Variants in PHF24 observed in about 807,000 individuals in gnomAD.
PHF24 encodes Galpha inhibitory interacting protein.
PHF24 carries 25 observed loss-of-function variants against 42.6 expected under a neutral mutation model. The ratio of observed to expected loss-of-function variants is 0.59; its 90% CI spans 0.43 to 0.82. The LOEUF (loss-of-function observed/expected upper bound fraction) is 0.82. Ranked by LOEUF, PHF24 falls within the 40% of genes least tolerant of loss-of-function variation. The pLI, the probability that PHF24 is intolerant of heterozygous loss-of-function variation, is 0.00. For synonymous variants in PHF24, 185 were observed against 204.8 expected (o/e 0.90, Z 0.83); for missense variants, 470 against 538.1 (o/e 0.87, Z 1.25).
At chr9:34,677,836 T>G in the PHF24 span, among the ~76,000 whole-genome samples, 1 of 152,208 alleles carries the variant, frequency 6.6e-6, no homozygotes, top group Non-Finnish European at 1.5e-5. Flanking sequence ...CCTCTTCTTA[T>G]GCCATCTCCT....
At chr9:34,835,579 G>T in the PHF24 span, 18 of 1,551,758 alleles carry the variant, frequency 1.2e-5, no homozygotes, top group African/African-American at 1.9e-4. Context: ...CAAGGCTGGG[G>T]TTGCTCTGCT....
the PHF24 span, among the ~76,000 whole-genome samples, chr9:34,908,966 G>C: frequency 6.6e-6 from 1 of 151,250 alleles, no homozygotes; most frequent in Non-Finnish European, 1.5e-5. Flanking sequence ...TCCTGCCTCA[G>C]CCTCCCAAGT....
chr9:34,936,900 C>T, the PHF24 span, among the ~76,000 whole-genome samples: 2 of 150,116 alleles, frequency 1.3e-5, no homozygotes, highest in South Asian at 2.1e-4. Context: ...AAGTGAGGAG[C>T]CCCTCTGCCC....
the PHF24 span, among the ~76,000 whole-genome samples, chr9:34,701,574 T>A: frequency 1.3e-5 from 2 of 151,982 alleles, no homozygotes; most frequent in East Asian, 3.9e-4. This position sits in a 1 kb window ranked among gnomAD's most constrained non-coding sequence, Gnocchi z 5.8. Flanking sequence ...GCGTCCGAAG[T>A]CCCTGGGCCT....
the PHF24 span, among the ~76,000 whole-genome samples, chr9:34,868,438 C>T: frequency 1.3e-5 from 2 of 152,164 alleles, no homozygotes; most frequent in East Asian, 1.9e-4. Context: ...TCCTATTGAA[C>T]ACCCTGTGGT....
chr9:34,741,680 G>A, the PHF24 span, among the ~76,000 whole-genome samples: 4 of 152,298 alleles, frequency 2.6e-5, no homozygotes, highest in African/African-American at 7.2e-5. Context: ...TTTCTCTATC[G>A]CCTGTCCAGC....
At chr9:34,847,065 A>T in the PHF24 span, among the ~76,000 whole-genome samples, 1 of 152,054 alleles carries the variant, frequency 6.6e-6, no homozygotes, top group Non-Finnish European at 1.5e-5. Flanking sequence ...TTGGCTTAGG[A>T]TTGACTTGGT....
At chr9:34,839,657 GT>G in the PHF24 span, among the ~76,000 whole-genome samples, 2 of 152,164 alleles carry the variant, frequency 1.3e-5, no homozygotes, top group Non-Finnish European at 1.5e-5. Flanking sequence ...CACTGGCATG[GT>G]AAGTATATTC....
the PHF24 span, among the ~76,000 whole-genome samples, chr9:34,882,046 G>A: frequency 6.6e-6 from 1 of 152,200 alleles, no homozygotes; most frequent in Non-Finnish European, 1.5e-5. Flanking sequence ...TGGGATGCAA[G>A]GCTGTTGCAA....
chr9:34,732,806 T>C, the PHF24 span, among the ~76,000 whole-genome samples: 1 of 152,224 alleles, frequency 6.6e-6, no homozygotes, highest in East Asian at 1.9e-4. Context: ...AATGGAAACA[T>C]GCTAGATACT....
At chr9:34,944,874 G>A in the PHF24 span, among the ~76,000 whole-genome samples, 1 of 135,902 alleles carries the variant, frequency 7.4e-6, no homozygotes, top group Non-Finnish European at 1.6e-5. Flanking sequence ...GAAACATAAT[G>A]AGAACTTGTC....
chr9:34,798,997 A>G, the PHF24 span, among the ~76,000 whole-genome samples: 4 of 152,132 alleles, frequency 2.6e-5, no homozygotes, highest in Admixed American at 2.0e-4. Flanking sequence ...CCACCTGTAT[A>G]TCTTCTTTTG....
At chr9:34,879,904 T>C in the PHF24 span, among the ~76,000 whole-genome samples, 2 of 152,028 alleles carry the variant, frequency 1.3e-5, no homozygotes, top group Admixed American at 1.3e-4. Context: ...ATTATCAGAT[T>C]CACCAAAGTT....
chr9:34,784,842 T>G, the PHF24 span, among the ~76,000 whole-genome samples: 1 of 152,236 alleles, frequency 6.6e-6, no homozygotes, highest in South Asian at 2.1e-4. Flanking sequence ...GAAATTGAAT[T>G]ACACTAAGGA....
At chr9:34,876,065 A>G in the PHF24 span, among the ~76,000 whole-genome samples, 1 of 151,926 alleles carries the variant, frequency 6.6e-6, no homozygotes, top group Non-Finnish European at 1.5e-5. Context: ...AAGCATGAGC[A>G]TTCCAGATGT....
chr9:34,812,274 A>G, the PHF24 span, among the ~76,000 whole-genome samples: 3 of 152,216 alleles, frequency 2.0e-5, no homozygotes, highest in African/African-American at 7.2e-5. Flanking sequence ...TAGGATGGCT[A>G]TTTAAAAAAA....
chr9:34,756,691 T>C, the PHF24 span, among the ~76,000 whole-genome samples: 1 of 152,212 alleles, frequency 6.6e-6, no homozygotes, highest in Non-Finnish European at 1.5e-5. Flanking sequence ...ATTTTGGCTA[T>C]TCGAGGTCTT....
chr9:34,872,382 G>C, the PHF24 span, among the ~76,000 whole-genome samples: 1 of 113,312 alleles, frequency 8.8e-6, no homozygotes, highest in East Asian at 2.6e-4. Flanking sequence ...ACAGTCCCCA[G>C]AGTGTGATAT....
the PHF24 span, among the ~76,000 whole-genome samples, chr9:34,823,765 C>T: frequency 1.3e-5 from 2 of 152,076 alleles, no homozygotes; most frequent in African/African-American, 2.4e-5. Flanking sequence ...GGTCTGTGGG[C>T]GAACCTGGAA....
Sources: allele counts gnomAD v4.1 joint callset (sites outside exome capture counted in the v4.1 genomes callset), GRCh38; gene constraint gnomAD v4.1.1; non-coding constraint Gnocchi (gnomAD v3.1); transcripts MANE v1.5; gene names NCBI Gene and HGNC (gene_info 2026-07-23, HGNC 2026-07-21).